Variants in NWD2 observed in about 807,000 individuals in gnomAD.
NWD2 encodes NACHT and WD repeat domain containing 2, also known as NACHT and WD repeat domain-containing protein 2.
NWD2 carries 37 observed loss-of-function variants against 132.7 expected under a neutral mutation model. The observed-to-expected ratio is 0.28, with a 90% CI of 0.21 to 0.37. The LOEUF (loss-of-function observed/expected upper bound fraction) is 0.37. Ranked by LOEUF, NWD2 falls within the 10% of genes least tolerant of loss-of-function variation. The probability of loss-of-function intolerance (pLI) is 1.00; values close to 1 mark genes in which losing one functional copy is unlikely to be tolerated. For missense variants in NWD2, 1,592 were observed against 2,122.4 expected, an observed-to-expected ratio of 0.75 and a Z score of 4.91; for synonymous variants, 705 against 803.0, an observed-to-expected ratio of 0.88 and a Z score of 2.06.
intron 3 of NWD2, among the ~76,000 whole-genome samples, chr4:37,366,761 A>G (rs1720107007): frequency 6.6e-6 from 1 of 152,156 alleles, no homozygotes; most frequent in Non-Finnish European, 1.5e-5. Context: ...ATGTTTCATA[A>G]TGATAAAAGG....
At chr4:37,393,975 C>A (rs1360474163) in intron 3 of NWD2, among the ~76,000 whole-genome samples, 1 of 152,186 alleles carries the variant, frequency 6.6e-6, no homozygotes, top group African/African-American at 2.4e-5. Context: ...AGTGTTGTTT[C>A]TTTCAGACAG....
At chr4:37,311,435 T>C (rs1182905630) in intron 1 of NWD2, among the ~76,000 whole-genome samples, 6 of 151,600 alleles carry the variant, frequency 4.0e-5, no homozygotes, top group East Asian at 1.9e-4. Flanking sequence ...ATGTCTTCTT[T>C]TGAGAAGTGT....
In NWD2 at chr4:37,377,269, C is replaced by A. The variant is rs541782592; in HGVS notation, c.357+20787C>A. On this transcript the variant is annotated intron_variant, in intron 3 of 6. Coordinates refer to ENST00000309447, the MANE Select transcript of NWD2 (RefSeq NM_001144990.2). ...GCCTCAGCAAATTAAGTGCTCACTT[C>A]CTTCCTTCTCTTTCCAATGAAAGAG... Among the ~76,000 whole-genome samples, 4 of 152,290 alleles carry A rather than the reference C, an allele frequency of 2.6e-5. No homozygotes were observed. In the South Asian group the frequency reaches 8.3e-4, roughly 32 times the overall value.
chr4:37,390,640 C>T (rs1333608565), intron 3 of NWD2, among the ~76,000 whole-genome samples: 1 of 152,102 alleles, frequency 6.6e-6, no homozygotes, highest in Non-Finnish European at 1.5e-5. Context: ...GAGGTTGAGA[C>T]TTACTGCCTT....
chr4:37,270,664 TGA>T, intron 1 of NWD2, among the ~76,000 whole-genome samples: 1 of 151,864 alleles, frequency 6.6e-6, no homozygotes, highest in Non-Finnish European at 1.5e-5. Flanking sequence ...ATTCTGGGTG[TGA>T]GTCATTTGTC....
At position 37,444,774 on chromosome 4, in the gene NWD2, G is replaced by A. The variant is rs946544216; in HGVS notation, c.2786G>A (p.Arg929Lys). Residue 929 changes from arginine to lysine, a missense_variant, in exon 7 of 7, where the codon AGA (arginine) becomes AAA (lysine). Transcript: ENST00000309447. The surrounding 1 kb of genome is among the most constrained non-coding windows in gnomAD (Gnocchi z 4.8). ...LPVVSSLPKLRHLLLECDKDG... is the reference protein window; with the variant it reads ...LPVVSSLPKLKHLLLECDKDG... ...GTTGTAAGCTCCCTGCCCAAACTTA[G>A]ACATCTTCTTTTAGAGTGTGATAAA... The A allele has an allele frequency of 1.9e-6, 3 of 1,551,800 alleles. No homozygotes were observed. In the African/African-American group the frequency reaches 4.1e-5, roughly 21 times the overall value.
intron 5 of NWD2, among the ~76,000 whole-genome samples, chr4:37,434,806 T>C (rs1712273937): frequency 6.6e-6 from 1 of 150,584 alleles, no homozygotes; most frequent in African/African-American, 2.4e-5. Flanking sequence ...TTTTAACTTT[T>C]ACAGAGAGGG....
At chr4:37,390,409 A>T (rs377582987) in intron 3 of NWD2, among the ~76,000 whole-genome samples, 3 of 150,004 alleles carry the variant, frequency 2.0e-5, no homozygotes, top group African/African-American at 7.4e-5. Flanking sequence ...ATAATCTGAA[A>T]TTTTTTTTTT....
chr4:37,409,649 C>A (rs1721116112), intron 3 of NWD2, among the ~76,000 whole-genome samples: 2 of 152,082 alleles, frequency 1.3e-5, no homozygotes, highest in African/African-American at 4.8e-5. Flanking sequence ...TCAGGAAATA[C>A]AGAGAACACC....
At chr4:37,429,474 C>G (rs758861930) in intron 3 of NWD2, among the ~76,000 whole-genome samples, 1 of 152,046 alleles carries the variant, frequency 6.6e-6, no homozygotes, top group Non-Finnish European at 1.5e-5. Context: ...GCCACCATGC[C>G]TGGCTAATTT....
chr4:37,245,464 A>G (rs926925820), intron 1 of NWD2, among the ~76,000 whole-genome samples: 54 of 151,516 alleles, frequency 3.6e-4, no homozygotes, highest in African/African-American at 1.3e-3. Flanking sequence ...CCCTGGGTCA[A>G]TCCAAGAAAC....
intron 3 of NWD2, among the ~76,000 whole-genome samples, chr4:37,397,973 CAT>C (rs1236407368): frequency 6.6e-6 from 1 of 152,174 alleles, no homozygotes; most frequent in Non-Finnish European, 1.5e-5. Context: ...ACAGATCTGT[CAT>C]TGTCCAGAAA....
intron 1 of NWD2, among the ~76,000 whole-genome samples, chr4:37,304,093 G>T (rs571501375): frequency 3.9e-5 from 6 of 152,294 alleles, no homozygotes; most frequent in East Asian, 1.9e-4. Context: ...AGTTCTGTAG[G>T]CTGTACAGGA....
intron 1 of NWD2, among the ~76,000 whole-genome samples, chr4:37,296,806 T>G (rs1314906790): frequency 6.6e-6 from 1 of 152,092 alleles, no homozygotes; most frequent in Non-Finnish European, 1.5e-5. Flanking sequence ...TTCACCCATG[T>G]AACAAAAAAC....
chr4:37,316,572 C>G (rs993481450), intron 1 of NWD2, among the ~76,000 whole-genome samples: 1 of 151,858 alleles, frequency 6.6e-6, no homozygotes, highest in African/African-American at 2.4e-5. Flanking sequence ...TCTTCCTTTC[C>G]CTTTATCTTC....
intron 1 of NWD2, among the ~76,000 whole-genome samples, chr4:37,267,658 C>G (rs972691585): frequency 6.6e-6 from 1 of 151,930 alleles, no homozygotes; most frequent in East Asian, 1.9e-4. Context: ...ATCCTTTGAC[C>G]GGTGTTTTTG....
At chr4:37,328,456 C>G (rs1459309067) in intron 2 of NWD2, among the ~76,000 whole-genome samples, 1 of 151,864 alleles carries the variant, frequency 6.6e-6, no homozygotes, top group Admixed American at 6.6e-5. Flanking sequence ...CATGTGTTCT[C>G]ATTGTTCAAT....
chr4:37,245,271 G>A (rs888741133), intron 1 of NWD2, 53 bp downstream of exon 1: 29 of 1,487,998 alleles, frequency 1.9e-5, no homozygotes, highest in Non-Finnish European at 2.4e-5. Context: ...TCAGCGCTGC[G>A]GGAGCTGGAG....
chr4:37,347,968 TA>T (rs1325630904), intron 2 of NWD2, among the ~76,000 whole-genome samples: 1 of 152,208 alleles, frequency 6.6e-6, no homozygotes, highest in Non-Finnish European at 1.5e-5. Flanking sequence ...GTTATTGGCA[TA>T]TGGTCTTATA....
Sources: gnomAD v4.1 joint callset for allele counts (sites outside exome capture counted in the v4.1 genomes callset) on GRCh38, gnomAD v4.1.1 for gene constraint, Gnocchi (gnomAD v3.1) non-coding constraint, MANE v1.5 for transcripts, NCBI Gene and HGNC (gene_info 2026-07-23, HGNC 2026-07-21) for gene names.